The following UGGT2 variants were observed in gnomAD, a reference collection of about 807,000 sequenced individuals.
UGGT2 encodes the protein UDP-glucose glycoprotein glucosyltransferase 2, also known as UDP-glucose:glycoprotein glucosyltransferase 2.
Under a neutral mutation model 192.1 loss-of-function variants are expected in UGGT2, and 180 were observed. The ratio of observed to expected loss-of-function variants is 0.94; its 90% CI spans 0.83 to 1.06. The LOEUF (loss-of-function observed/expected upper bound fraction) is 1.06, where lower values mean the gene tolerates loss of function less well. Ranked by LOEUF, UGGT2 falls within the 50% of genes least tolerant of loss-of-function variation. The pLI, the probability that UGGT2 is intolerant of heterozygous loss-of-function variation, is 0.00. For synonymous variants in UGGT2, 580 were observed against 591.0 expected, an observed-to-expected ratio of 0.98 and a Z score of 0.27; for missense variants, 1,849 against 1,795.7, an observed-to-expected ratio of 1.03 and a Z score of -0.54.
At chr13:95,829,728 G>C (rs1886455880) in intron 38 of UGGT2, among the ~76,000 whole-genome samples, 3 of 152,120 alleles carry the variant, frequency 2.0e-5, no homozygotes. Flanking sequence ...TCAGTATTGT[G>C]AAAATGGCCA....
chr13:95,952,493 T>C (rs1179944818), intron 12 of UGGT2, among the ~76,000 whole-genome samples: 1 of 152,264 alleles, frequency 6.6e-6, no homozygotes, highest in Non-Finnish European at 1.5e-5. Context: ...ACGTAATGCC[T>C]AATACAATGT....
intron 20 of UGGT2, among the ~76,000 whole-genome samples, chr13:95,923,818 T>C (rs911858021): frequency 6.6e-6 from 1 of 152,166 alleles, no homozygotes; most frequent in Admixed American, 6.5e-5. Context: ...AAAATAAATA[T>C]AAAAAACCCA....
chr13:95,963,917 T>C (rs910301394), intron 12 of UGGT2, among the ~76,000 whole-genome samples: 11 of 152,130 alleles, frequency 7.2e-5, no homozygotes, highest in Non-Finnish European at 1.5e-4. Flanking sequence ...AAAATGATGA[T>C]ACTGCCCAAA....
At chr13:95,949,584 G>T in intron 12 of UGGT2, 130 bp from the exon 13 acceptor site, 3 of 918,372 alleles carry the variant, frequency 3.3e-6, no homozygotes, top group Non-Finnish European at 4.4e-6. Context: ...AAATAGAGGA[G>T]CTAGTTTAAT....
chr13:95,821,379 G>A (rs1199440123), intron 38 of UGGT2, among the ~76,000 whole-genome samples: 1 of 151,968 alleles, frequency 6.6e-6, no homozygotes, highest in Admixed American at 6.6e-5. Flanking sequence ...GGCCATTTGT[G>A]CGTCTTCTTT....
chr13:95,881,913 CTTTT>C, intron 27 of UGGT2, among the ~76,000 whole-genome samples: 1 of 144,334 alleles, frequency 6.9e-6, no homozygotes, highest in South Asian at 2.2e-4. Context: ...TCACTTTTAG[CTTTT>C]TTTTTTTTTT....
chr13:95,834,233 G>A (rs1887036339), intron 37 of UGGT2, among the ~76,000 whole-genome samples: 1 of 152,052 alleles, frequency 6.6e-6, no homozygotes, highest in Non-Finnish European at 1.5e-5. Context: ...GTGTGTGTGT[G>A]TGTATGTGTG....
chr13:95,871,312 G>C (rs2140133721), intron 29 of UGGT2, among the ~76,000 whole-genome samples: 1 of 152,244 alleles, frequency 6.6e-6, no homozygotes, highest in Non-Finnish European at 1.5e-5. Context: ...TATGCAGATT[G>C]CCCCTCAGAG....
intron 6 of UGGT2, among the ~76,000 whole-genome samples, chr13:95,997,343 C>T (rs528878836): frequency 6.6e-6 from 1 of 152,232 alleles, no homozygotes; most frequent in Admixed American, 6.5e-5. Flanking sequence ...CTCAGAGGCA[C>T]AGACTGATAT....
chr13:95,833,142 T>C (rs1886909044), intron 37 of UGGT2, 89 bp from the exon 38 acceptor site: 1 of 1,443,590 alleles, frequency 6.9e-7, no homozygotes, highest in Non-Finnish European at 9.3e-7. Flanking sequence ...ACAAAATACA[T>C]TTTATAAAAA....
At chr13:95,953,398 T>C (rs1452265030) in intron 12 of UGGT2, among the ~76,000 whole-genome samples, 1 of 152,204 alleles carries the variant, frequency 6.6e-6, no homozygotes, top group Non-Finnish European at 1.5e-5. Flanking sequence ...AGAACCTGCA[T>C]ACTTTGAATG....
intron 5 of UGGT2, among the ~76,000 whole-genome samples, chr13:96,013,001 T>C (rs1312700858): frequency 1.4e-5 from 2 of 147,318 alleles, no homozygotes; most frequent in Non-Finnish European, 3.0e-5. Context: ...TATTAGTATG[T>C]TGAGTAAATC....
intron 12 of UGGT2, among the ~76,000 whole-genome samples, chr13:95,957,190 GTTTAATGTGAACAGAGC>G (rs1313416465): frequency 7.2e-5 from 11 of 152,336 alleles, no homozygotes; most frequent in African/African-American, 2.6e-4. Context: ...GGGATTTAAT[GTTTAATGTGAACAGAGC>G]TTCGTTCGGG....
At chr13:95,977,634 C>T (rs1203148347) in intron 10 of UGGT2, among the ~76,000 whole-genome samples, 1 of 152,060 alleles carries the variant, frequency 6.6e-6, no homozygotes, top group African/African-American at 2.4e-5. Flanking sequence ...AAGACAGTGT[C>T]GATTCCTCAA....
At chr13:95,997,168 T>C (rs2051649555) in intron 6 of UGGT2, among the ~76,000 whole-genome samples, 2 of 152,170 alleles carry the variant, frequency 1.3e-5, no homozygotes, top group African/African-American at 4.8e-5. Flanking sequence ...TGGGCAAACA[T>C]TTATTGACTG....
chr13:95,895,359 G>A, intron 22 of UGGT2, 55 bp from the exon 23 acceptor site: 1 of 1,093,144 alleles, frequency 9.1e-7, no homozygotes, highest in Non-Finnish European at 1.2e-6. Context: ...ATCAGTTTAG[G>A]AAAAACATTT....
chr13:95,861,077 T>G (rs1890122427), intron 31 of UGGT2, among the ~76,000 whole-genome samples, 194 bp from the exon 32 acceptor site: 1 of 152,092 alleles, frequency 6.6e-6, no homozygotes. Context: ...TTTTTTAAAT[T>G]TGTAATGTGG....
chr13:95,940,725 G>C (rs766721631), intron 15 of UGGT2, among the ~76,000 whole-genome samples: 1 of 150,902 alleles, frequency 6.6e-6, no homozygotes, highest in Non-Finnish European at 1.5e-5. Context: ...GAAGGGCTTG[G>C]CTTACAGGAA....
At chr13:95,830,434 G>GA (rs1156421004) in intron 38 of UGGT2, among the ~76,000 whole-genome samples, 1 of 152,068 alleles carries the variant, frequency 6.6e-6, no homozygotes, top group South Asian at 2.1e-4. Context: ...AAATTTACAA[G>GA]AAAAAATCAA....
Sources: allele counts gnomAD v4.1 joint callset (sites outside exome capture counted in the v4.1 genomes callset), GRCh38; gene constraint gnomAD v4.1.1; transcripts MANE v1.5; gene names NCBI Gene and HGNC (gene_info 2026-07-23, HGNC 2026-07-21).